The following APP variants were observed in gnomAD, a reference collection of about 807,000 sequenced individuals.
APP encodes the protein amyloid-beta precursor protein.
In APP, 31 loss-of-function variants were observed where a neutral mutation model predicts 101.4. The observed-to-expected ratio is 0.31, with a 90% CI of 0.23 to 0.41. APP has a LOEUF of 0.41. Among genes scored for constraint, APP ranks in the 10% least tolerant of loss-of-function variants. APP has a pLI of 1.00. For synonymous variants in APP, 366 were observed against 364.4 expected (o/e 1.00, Z -0.05); for missense variants, 839 against 1,003.7 (o/e 0.84, Z 2.22).
chr21:26,049,073 C>T (rs1488617471), intron 5 of APP, among the ~76,000 whole-genome samples: 1 of 152,056 alleles, frequency 6.6e-6, no homozygotes, highest in East Asian at 1.9e-4. Flanking sequence ...GTAGAATAAA[C>T]CATCAAATAT....
chr21:26,092,782 G>A (rs1015445505), intron 2 of APP, among the ~76,000 whole-genome samples: 1 of 152,190 alleles, frequency 6.6e-6, no homozygotes, highest in African/African-American at 2.4e-5. Context: ...TGTGCAGGTA[G>A]CAAGTATATG....
At chr21:25,909,747 C>T (rs1019779082) in intron 14 of APP, among the ~76,000 whole-genome samples, 1 of 152,132 alleles carries the variant, frequency 6.6e-6, no homozygotes, top group African/African-American at 2.4e-5. Flanking sequence ...TGAAGAGGAC[C>T]TTCAATGACC....
intron 2 of APP, among the ~76,000 whole-genome samples, chr21:26,093,988 C>A (rs1568966396): frequency 6.6e-6 from 1 of 152,044 alleles, no homozygotes; most frequent in Non-Finnish European, 1.5e-5. Flanking sequence ...ATGGCACACG[C>A]CTGTTAAGTC....
chr21:26,073,791 A>G (rs2061452104), intron 3 of APP, among the ~76,000 whole-genome samples: 1 of 152,240 alleles, frequency 6.6e-6, no homozygotes, highest in Non-Finnish European at 1.5e-5. Context: ...CCAGGAATTC[A>G]GACTCACCTA....
intron 3 of APP, among the ~76,000 whole-genome samples, chr21:26,065,466 T>C (rs1285356829): frequency 6.6e-6 from 1 of 152,234 alleles, no homozygotes; most frequent in East Asian, 1.9e-4. Context: ...TTTAAATTTT[T>C]TAAAAATTCA....
chr21:25,890,670 C>T (rs575173791), intron 17 of APP, among the ~76,000 whole-genome samples: 5 of 134,814 alleles, frequency 3.7e-5, no homozygotes. Context: ...ACCCAGGAGG[C>T]AGAGGTTGCA....
chr21:26,075,386 C>T (rs2061482194), intron 3 of APP, among the ~76,000 whole-genome samples: 1 of 152,172 alleles, frequency 6.6e-6, no homozygotes, highest in African/African-American at 2.4e-5. Context: ...TTATTGTTTC[C>T]TCTTATCAGG....
chr21:26,143,208 T>G (rs543420611), intron 1 of APP, among the ~76,000 whole-genome samples: 1 of 152,322 alleles, frequency 6.6e-6, no homozygotes, highest in East Asian at 1.9e-4. Context: ...GTGTGATGGC[T>G]CATGCCTATA....
At chr21:26,140,167 G>A (rs969663644) in intron 1 of APP, 1 of 1,535,604 alleles carries the variant, frequency 6.5e-7, no homozygotes, top group Non-Finnish European at 8.7e-7. Flanking sequence ...TTGATAAACA[G>A]AACCAACAAG....
intron 1 of APP, among the ~76,000 whole-genome samples, chr21:26,131,622 T>C (rs766170662): frequency 6.6e-6 from 1 of 152,198 alleles, no homozygotes; most frequent in Non-Finnish European, 1.5e-5. Context: ...CGGCAATACT[T>C]GAGAAATGTC....
intron 8 of APP, among the ~76,000 whole-genome samples, chr21:25,994,947 T>C (rs1050588773): frequency 2.6e-5 from 4 of 152,232 alleles, no homozygotes; most frequent in East Asian, 1.9e-4. Flanking sequence ...CTTGCTGTGA[T>C]TGAATAGTCT....
At chr21:26,123,785 T>C (rs1215583239) in intron 1 of APP, among the ~76,000 whole-genome samples, 1 of 152,174 alleles carries the variant, frequency 6.6e-6, no homozygotes, top group East Asian at 1.9e-4. Flanking sequence ...TACTCTTGGA[T>C]GTAATGTTAC....
chr21:25,891,825 A>G lies in APP; in HGVS notation c.2108T>C (p.Ile703Thr). The G allele has an allele frequency of 1.2e-6, 2 of 1,614,176 alleles. No homozygotes were observed. The highest frequency in any genetic ancestry group is 8.5e-7 in the Non-Finnish European group (1 of 1,180,016). The stretch of plus-strand genomic sequence containing the variant: ...GACAACACCGCCCACCATGAGTCCA[A>G]TGATTGCACCTTTGTTTGAACCCAC... ...EDVGSNKGAI[I>T]GLMVGGVVIA... is the part of the protein sequence containing the mutation. Residue 703 changes from isoleucine to threonine, a missense_variant, in exon 17 of 18, where the codon ATT becomes ACT. Coordinates refer to ENST00000346798, the MANE Select transcript of APP (RefSeq NM_000484.4).
chr21:25,909,267 A>AC (rs1491517705), intron 14 of APP, among the ~76,000 whole-genome samples: 1 of 83,152 alleles, frequency 1.2e-5, no homozygotes, highest in African/African-American at 8.3e-5. Flanking sequence ...ACTCCGTCTC[A>AC]AAAAAAAAAA....
chr21:25,988,425 G>C (rs534340350), intron 8 of APP, among the ~76,000 whole-genome samples: 2 of 152,144 alleles, frequency 1.3e-5, no homozygotes, highest in African/African-American at 4.8e-5. Context: ...AGACAGGCTG[G>C]GTGCAGTGGC....
intron 1 of APP, among the ~76,000 whole-genome samples, chr21:26,137,338 C>T (rs1342134819): frequency 6.6e-6 from 1 of 152,180 alleles, no homozygotes; most frequent in Non-Finnish European, 1.5e-5. Context: ...AAAATCTTTT[C>T]TATAAACGGG....
At chr21:26,028,464 T>A (rs1024236773) in intron 5 of APP, among the ~76,000 whole-genome samples, 5 of 152,122 alleles carry the variant, frequency 3.3e-5, no homozygotes, top group Non-Finnish European at 7.4e-5. Context: ...AATATCCACA[T>A]AATGCACAAG....
chr21:25,897,779 G>T, intron 15 of APP, 106 bp from the exon 16 acceptor site: 1 of 903,018 alleles, frequency 1.1e-6, no homozygotes, highest in Non-Finnish European at 1.8e-6. Flanking sequence ...TAGGCCTGAA[G>T]TTAGAAGAAA....
At position 25,961,904 on chromosome 21, in the gene APP, ATT is replaced by A. The variant is rs56762084; in HGVS notation, c.1459-6151_1459-6150del. On this transcript the variant is annotated intron_variant, in intron 11 of 17. Transcript: ENST00000346798. ...TATTGATAAAGAGAGTTTAAGAAACATTTTTTTTTTTTAACCTGCAGGCATAT... is the reference window on the plus strand; with the variant it reads ...TATTGATAAAGAGAGTTTAAGAAACATTTTTTTTTTAACCTGCAGGCATAT... 1.4e-4 allele frequency among the ~76,000 whole-genome samples: 21 copies of A among 147,650 alleles called. No individual in the cohort carries two copies. The East Asian group carries it at 1.8e-3, about 13-fold the overall frequency.
Sources: allele counts gnomAD v4.1 joint callset (sites outside exome capture counted in the v4.1 genomes callset), GRCh38; gene constraint gnomAD v4.1.1; transcripts MANE v1.5; gene names NCBI Gene and HGNC (gene_info 2026-07-23, HGNC 2026-07-21).